TSHZ3: variants seen among roughly 807,000 people sequenced by gnomAD.
TSHZ3 encodes the protein teashirt homolog 3.
Under a neutral mutation model 64.5 loss-of-function variants are expected in TSHZ3, and 10 were observed. The ratio of observed to expected loss-of-function variants is 0.16; its 90% CI spans 0.10 to 0.26. TSHZ3 has a LOEUF of 0.26. TSHZ3 is among the 10% of genes least tolerant of loss of function. TSHZ3 has a pLI of 1.00. For missense variants in TSHZ3, 1,242 were observed against 1,421.7 expected, an observed-to-expected ratio of 0.87 and a Z score of 2.03; for synonymous variants, 608 against 593.1, an observed-to-expected ratio of 1.03 and a Z score of -0.36.
At chr19:31,210,715 C>A (rs1485830950) in intron 4 of TSHZ3, among the ~76,000 whole-genome samples, 1 of 152,188 alleles carries the variant, frequency 6.6e-6, no homozygotes, top group Non-Finnish European at 1.5e-5. Flanking sequence ...CCATTTTCTT[C>A]TACGAGAAAC....
chr19:31,180,414 G>A (rs867362638), intron 5 of TSHZ3, among the ~76,000 whole-genome samples: 13 of 152,124 alleles, frequency 8.5e-5, no homozygotes, highest in Admixed American at 2.0e-4. Flanking sequence ...TCTGGTGCAC[G>A]TTTCCTCACA....
intron 1 of TSHZ3, among the ~76,000 whole-genome samples, chr19:31,327,414 T>A (rs529692417): frequency 7.9e-5 from 12 of 152,232 alleles, no homozygotes; most frequent in Admixed American, 7.8e-4. Context: ...CATGTCAGAA[T>A]AAATACCTGA....
chr19:31,252,762 G>A (rs1187826979), intron 1 of TSHZ3, among the ~76,000 whole-genome samples: 1 of 152,164 alleles, frequency 6.6e-6, no homozygotes, highest in Non-Finnish European at 1.5e-5. Context: ...CCAGTCTCAG[G>A]TATTTCTTCA....
intron 1 of TSHZ3, among the ~76,000 whole-genome samples, chr19:31,261,662 A>G (rs1359554384): frequency 2.6e-5 from 4 of 152,220 alleles, no homozygotes; most frequent in Non-Finnish European, 5.9e-5. Flanking sequence ...GCCAAAATGT[A>G]GAAATTCATC....
chr19:31,288,252 G>C lies in TSHZ3; in HGVS notation c.41-8500C>G, dbSNP rs575448188. On this transcript the variant is annotated intron_variant, in intron 1 of 1. Coordinates refer to ENST00000240587, the MANE Select transcript of TSHZ3 (RefSeq NM_020856.4). ...GGCTCTCCAGGACTCATGCACACCA[G>C]TCTCTGCAGACCCTCCTGCCCTTTC... 2.0e-5 allele frequency among the ~76,000 whole-genome samples: 3 copies of C among 152,304 alleles called. No homozygotes were observed. The South Asian group carries it at 6.2e-4, about 32-fold the overall frequency.
chr19:31,188,672 T>C (rs77684447), intron 5 of TSHZ3, among the ~76,000 whole-genome samples: 6,176 of 152,056 alleles, frequency 0.041, 399 homozygotes, highest in African/African-American at 0.14. Context: ...CATTTAGTCA[T>C]GATGTATTAT....
At chr19:31,158,364 G>A (rs1376302609) in intron 5 of TSHZ3, among the ~76,000 whole-genome samples, 1 of 152,160 alleles carries the variant, frequency 6.6e-6, no homozygotes, top group Non-Finnish European at 1.5e-5. Context: ...GTCTACTATT[G>A]CAGCTGTAAC....
At chr19:31,247,042 A>C (rs534284788) in intron 1 of TSHZ3, among the ~76,000 whole-genome samples, 14 of 152,192 alleles carry the variant, frequency 9.2e-5, no homozygotes, top group Non-Finnish European at 1.5e-4. Context: ...ATAAATGAAA[A>C]AGAAGGAAAA....
chr19:31,243,545 C>T (rs556609097), intron 1 of TSHZ3, among the ~76,000 whole-genome samples: 1 of 152,236 alleles, frequency 6.6e-6, no homozygotes, highest in South Asian at 2.1e-4. Flanking sequence ...GAGGTGAGCC[C>T]GGCAGGCTGG....
At chr19:31,157,068 G>T (rs1425547636) in intron 5 of TSHZ3, among the ~76,000 whole-genome samples, 1 of 151,998 alleles carries the variant, frequency 6.6e-6, no homozygotes, top group East Asian at 2.0e-4. Flanking sequence ...CCTAGGTACA[G>T]AATTGAACAT....
intron 5 of TSHZ3, among the ~76,000 whole-genome samples, chr19:31,172,170 A>C (rs552381511): frequency 2.6e-4 from 40 of 152,198 alleles, no homozygotes; most frequent in Non-Finnish European, 3.7e-4. Flanking sequence ...ACCAAGATTT[A>C]GGGCAGAGGT....
intron 1 of TSHZ3, among the ~76,000 whole-genome samples, chr19:31,269,581 T>C (rs2145204833): frequency 6.6e-6 from 1 of 152,196 alleles, no homozygotes; most frequent in South Asian, 2.1e-4. Context: ...TTTCCATAAA[T>C]GCTCCAATTA....
At position 31,230,771 on chromosome 19, in the gene TSHZ3, C is replaced by A. The variant is rs796767079; in HGVS notation, n.551-2631G>T. Among the ~76,000 whole-genome samples the A allele has an allele frequency of 5.5e-4, 80 of 146,738 alleles. 4 individuals carry two copies. Among genetic ancestry groups the A allele is most frequent in the African/African-American group, 2.0e-3 (77 of 39,218 alleles). On this transcript the variant is annotated intron_variant and non_coding_transcript_variant, in intron 3 of 6. Transcript: ENST00000651361. ...CTGGAGTGCAGTGGCCCAATCTCGGCTCACTGCAAGCTCCGCCTCCCGGGT... is the reference window on the plus strand; with the variant it reads ...CTGGAGTGCAGTGGCCCAATCTCGGATCACTGCAAGCTCCGCCTCCCGGGT...
chr19:31,311,008 C>A (rs897960010), intron 1 of TSHZ3, among the ~76,000 whole-genome samples: 2 of 152,180 alleles, frequency 1.3e-5, no homozygotes, highest in Non-Finnish European at 2.9e-5. Context: ...GTCCAGGAAA[C>A]TCCTGCCTGT....
chr19:31,255,308 G>C (rs534325629), intron 1 of TSHZ3, among the ~76,000 whole-genome samples: 1 of 152,248 alleles, frequency 6.6e-6, no homozygotes, highest in Non-Finnish European at 1.5e-5. Context: ...GACACAGTAA[G>C]CTGCTCTGAA....
Position 31,276,172 on chromosome 19 carries a change from T to G in TSHZ3, c.*375A>C, listed in dbSNP as rs1976228174. The G allele has an allele frequency of 6.0e-6, 1 of 167,378 alleles. No homozygotes were observed. The highest frequency in any genetic ancestry group is 6.4e-5 in the Admixed American group (1 of 15,702). 10.4% of individuals were successfully genotyped at this position (167,378 alleles called of 1,614,324 possible). On this transcript the variant is annotated 3_prime_UTR_variant, in exon 2 of 2. Coordinates refer to ENST00000240587, the MANE Select transcript of TSHZ3 (RefSeq NM_020856.4). ...TTCAAAGTACTCAGAGGGCTAAAGA[T>G]GAAAGGGTGAGAAATGCCAGCACAC...
chr19:31,303,433 C>G (rs1396206474), intron 1 of TSHZ3, among the ~76,000 whole-genome samples: 1 of 152,172 alleles, frequency 6.6e-6, no homozygotes, highest in African/African-American at 2.4e-5. Context: ...CATAGGCACC[C>G]ACAGTCACCA....
chr19:31,286,210 G>T (rs1046747644), intron 1 of TSHZ3, among the ~76,000 whole-genome samples: 1 of 152,204 alleles, frequency 6.6e-6, no homozygotes, highest in Non-Finnish European at 1.5e-5. Context: ...TGAGTGCCAA[G>T]GACACATTTC....
chr19:31,207,992 C>A (rs1975208343), intron 4 of TSHZ3, among the ~76,000 whole-genome samples: 1 of 152,138 alleles, frequency 6.6e-6, no homozygotes, highest in African/African-American at 2.4e-5. Context: ...ATCATAAGTG[C>A]AACGAATGAC....
Sources: gnomAD v4.1 joint callset for allele counts (sites outside exome capture counted in the v4.1 genomes callset) on GRCh38, gnomAD v4.1.1 for gene constraint, MANE v1.5 for transcripts, NCBI Gene and HGNC (gene_info 2026-07-23, HGNC 2026-07-21) for gene names.